MAPT: variants seen among roughly 807,000 people sequenced by gnomAD.
The protein encoded by MAPT is microtubule associated protein tau, also known as microtubule-associated protein tau.
Under a neutral mutation model 67.9 loss-of-function variants are expected in MAPT, and 34 were observed. That is an observed-to-expected ratio of 0.50 (90% CI 0.38 to 0.67). MAPT has a LOEUF of 0.67. Ranked by LOEUF, MAPT falls within the 30% of genes least tolerant of loss-of-function variation. MAPT has a pLI of 0.00. For synonymous variants in MAPT, 456 were observed against 464.5 expected (o/e 0.98, Z 0.23); for missense variants, 881 against 1,115.2 (o/e 0.79, Z 2.99).
intron 1 of MAPT, among the ~76,000 whole-genome samples, chr17:45,950,001 T>C (rs1010300016): frequency 3.3e-5 from 5 of 151,958 alleles, no homozygotes; most frequent in Non-Finnish European, 7.4e-5. Context: ...AGAGATTTGT[T>C]TGGGGAGGAG....
chr17:45,974,621 G>A, intron 3 of MAPT: 1 of 657,442 alleles, frequency 1.5e-6, no homozygotes, highest in Non-Finnish European at 2.7e-6. Context: ...CTTGGGTTGT[G>A]AGTAGCTCGA....
intron 1 of MAPT, among the ~76,000 whole-genome samples, chr17:45,920,084 G>A (rs1016688310): frequency 3.3e-5 from 5 of 152,278 alleles, no homozygotes; most frequent in African/African-American, 2.4e-5. Flanking sequence ...AGCTGCAGGC[G>A]TGGAGCACAG....
At position 46,018,670 on chromosome 17, in the gene MAPT, C is replaced by T; in HGVS notation, c.2226C>T (p.Val742=). 1 of 1,614,184 alleles carries T rather than the reference C, an allele frequency of 6.2e-7. No individual in the cohort carries two copies. Among genetic ancestry groups the T allele is most frequent in the Non-Finnish European group, 8.5e-7 (1 of 1,180,034 alleles). ...KSEKLDFKDR[V]QSKIGSLDNI... ...AGAAGCTTGACTTCAAGGACAGAGT[C>T]CAGTCGAAGATTGGGTCCCTGGACA... The change falls in exon 12 of 13, where the codon GTC becomes GTT. Residue 742 remains valine, a synonymous_variant. Coordinates refer to ENST00000262410, the MANE Select transcript of MAPT (RefSeq NM_001377265.1).
At chr17:45,960,339 G>A (rs2070247203) in intron 1 of MAPT, among the ~76,000 whole-genome samples, 1 of 152,268 alleles carries the variant, frequency 6.6e-6, no homozygotes, top group Non-Finnish European at 1.5e-5. Flanking sequence ...GGACAGGGCA[G>A]CCAGGAGGAT....
rs1437735354 is a variant in MAPT, at chr17:46,010,973, C to T, written c.2091+571C>T. The stretch of plus-strand genomic sequence containing the variant: ...AGGCAGGAGCCGATTCCTAAGCCTC[C>T]AGCTTATGCTTAGCCTGCGCCACCC... On this transcript the variant is annotated intron_variant, in intron 10 of 12. Coordinates refer to ENST00000262410, the MANE Select transcript of MAPT (RefSeq NM_001377265.1). This position sits in a 1 kb window ranked among gnomAD's most constrained non-coding sequence, Gnocchi z 4.7. Among the ~76,000 whole-genome samples, 1 of 152,258 alleles carries T rather than the reference C, an allele frequency of 6.6e-6. No homozygotes were observed. Among genetic ancestry groups the T allele is most frequent in the Non-Finnish European group, 1.5e-5 (1 of 68,044 alleles).
chr17:45,983,818 G>T lies in MAPT; in HGVS notation c.1239G>T (p.Arg413=). ...CCCCTGGAGAGGGGCCAGAGGCCCG[G>T]GGCCCCTCTTTGGGAGAGGACACAA... ...PGAPGEGPEA[R]GPSLGEDTKE... is the part of the protein sequence containing the mutation. The change falls in exon 5 of 13, where the codon CGG becomes CGT. Residue 413 remains arginine, a synonymous_variant. Transcript: ENST00000262410. 1 of 1,613,098 alleles carries T rather than the reference G, an allele frequency of 6.2e-7. No individual in the cohort carries two copies. The highest frequency in any genetic ancestry group is 8.5e-7 in the Non-Finnish European group (1 of 1,179,906).
In MAPT at chr17:45,983,034, C is replaced by T. The variant is rs2073133118; in HGVS notation, c.455C>T (p.Pro152Leu). 2 of 1,503,550 alleles carry T rather than the reference C, an allele frequency of 1.3e-6. No homozygotes were observed. The highest frequency in any genetic ancestry group is 2.8e-5 in the African/African-American group (2 of 71,664). The allele number at this position is 1,503,550 out of a possible 1,614,324, so 93.1% of individuals were successfully genotyped here. A position where few individuals can be genotyped will look rare whatever the true frequency, so the allele number is the denominator to read the frequency against. Residue 152 changes from proline (P) to leucine (L), a missense_variant, in exon 5 of 13, where the codon CCT becomes CTT. By Grantham distance (98) the Pro-to-Leu change is moderately conservative. Around this residue, in one of 6 missense-constraint regions of MAPT, gnomAD observed 687 missense variants for 766.1 expected, o/e 0.90. Transcript: ENST00000262410. ...CCCGTCCCGCTGACCGCGAGCCTTC[C>T]TCAGCACCGTCCCGTTTGCCCAGCG... ...EAPVPLTASL[P>L]QHRPVCPAPP...
chr17:45,937,045 T>C (rs1225331707), intron 1 of MAPT, among the ~76,000 whole-genome samples: 1 of 152,104 alleles, frequency 6.6e-6, no homozygotes, highest in Non-Finnish European at 1.5e-5. Flanking sequence ...AGTCTGCAAA[T>C]ATGTATGCGA....
At position 46,014,281 on chromosome 17, in the gene MAPT, G is replaced by A; in HGVS notation, c.2130G>A (p.Val710=). 3 of 1,614,068 alleles carry A rather than the reference G, an allele frequency of 1.9e-6. No individual in the cohort carries two copies. Among genetic ancestry groups the A allele is most frequent in the Non-Finnish European group, 2.5e-6 (3 of 1,179,982 alleles). ...ACAAACCAGTTGACCTGAGCAAGGT[G>A]ACCTCCAAGTGTGGCTCATTAGGCA... ...IVYKPVDLSK[V]TSKCGSLGNI... The change falls in exon 11 of 13, where the codon GTG becomes GTA. Residue 710 remains valine (V), a synonymous_variant. Transcript: ENST00000262410.
At chr17:45,982,489 C>A (rs1418526318) in intron 4 of MAPT, among the ~76,000 whole-genome samples, 1 of 152,054 alleles carries the variant, frequency 6.6e-6, no homozygotes, top group African/African-American at 2.4e-5. Flanking sequence ...TCCCGCTTTC[C>A]CAGTAGATTA....
At chr17:45,985,554 A>C (rs2073454581) in intron 5 of MAPT, 2 of 329,168 alleles carry the variant, frequency 6.1e-6, no homozygotes, top group Admixed American at 1.3e-4. Context: ...TTTCTGCTGC[A>C]GGACTTGTCA....
chr17:45,945,794 C>T (rs1027488984), intron 1 of MAPT, among the ~76,000 whole-genome samples: 1 of 141,354 alleles, frequency 7.1e-6, no homozygotes, highest in African/African-American at 2.7e-5. Flanking sequence ...ACCGAGGCAA[C>T]AGAGGGAGAC....
chr17:45,908,715 C>T (rs1238246248), intron 1 of MAPT, among the ~76,000 whole-genome samples: 3 of 152,266 alleles, frequency 2.0e-5, no homozygotes, highest in Admixed American at 2.0e-4. Flanking sequence ...ACTTTCATGG[C>T]GTTGAAATAC....
Position 46,010,202 on chromosome 17 carries a change from G to A in MAPT, c.1999-108G>A. Reference sequence around the variant, plus strand: ...TGGAGGCATCCTTGCGAGCAAGTAGGCGGGTCCAGGGTGGCGCATGTCACT... The same window carrying A: ...TGGAGGCATCCTTGCGAGCAAGTAGACGGGTCCAGGGTGGCGCATGTCACT... On this transcript the variant is annotated intron_variant, in intron 9 of 12. Coordinates refer to ENST00000262410, the MANE Select transcript of MAPT (RefSeq NM_001377265.1). The surrounding 1 kb of genome is among the most constrained non-coding windows in gnomAD (Gnocchi z 4.7). 2.6e-6 allele frequency: 2 copies of A among 760,618 alleles called. No individual in the cohort carries two copies. Among genetic ancestry groups the A allele is most frequent in the East Asian group, 2.7e-5 (1 of 37,450 alleles). The allele number at this position is 760,618 out of a possible 1,614,324, so 47.1% of individuals were successfully genotyped here.
intron 1 of MAPT, among the ~76,000 whole-genome samples, chr17:45,930,465 G>T (rs989809826): frequency 6.6e-6 from 1 of 151,866 alleles, no homozygotes; most frequent in African/African-American, 2.4e-5. Flanking sequence ...ATGATATCAG[G>T]TTCCTGGAGA....
intron 1 of MAPT, chr17:45,895,671 G>T (rs1413039231): frequency 1.3e-5 from 2 of 152,280 alleles, no homozygotes; most frequent in South Asian, 2.1e-4. Context: ...CGCAGGGCTC[G>T]CCCCTCACTG....
At chr17:45,898,817 T>C (rs2063438175) in intron 1 of MAPT, 1 of 152,158 alleles carries the variant, frequency 6.6e-6, no homozygotes, top group South Asian at 2.1e-4. Flanking sequence ...ATTCGGTCCA[T>C]ACCAAATGGA....
intron 1 of MAPT, among the ~76,000 whole-genome samples, chr17:45,944,795 C>G (rs1034277847): frequency 6.6e-6 from 1 of 152,156 alleles, no homozygotes; most frequent in Non-Finnish European, 1.5e-5. Flanking sequence ...CTCGCAGCAC[C>G]CGGAGGTGCT....
At chr17:46,000,631 C>A (rs1052663496) in intron 9 of MAPT, among the ~76,000 whole-genome samples, 15 of 152,176 alleles carry the variant, frequency 9.9e-5, no homozygotes, top group Non-Finnish European at 1.3e-4. Flanking sequence ...AGGTGGGCCT[C>A]CCCTGGGTGA....
Sources: gnomAD v4.1 joint callset for allele counts (sites outside exome capture counted in the v4.1 genomes callset) on GRCh38, gnomAD v4.1.1 for gene constraint, gnomAD v4.1.1 regional missense constraint, Gnocchi (gnomAD v3.1) non-coding constraint, MANE v1.5 for transcripts, NCBI Gene and HGNC (gene_info 2026-07-23, HGNC 2026-07-21) for gene names.